CIB3: variants seen among roughly 807,000 people sequenced by gnomAD.
The protein encoded by CIB3 is calcium and integrin binding family member 3, also known as calcium and integrin-binding family member 3.
In CIB3, 22 loss-of-function variants were observed where a neutral mutation model predicts 23.4. That is an observed-to-expected ratio of 0.94 (90% CI 0.67 to 1.34). The LOEUF is 1.34. Ranked by LOEUF, CIB3 falls within the 40% of genes most tolerant of loss-of-function variation. The pLI is 0.00. For missense variants in CIB3, 258 were observed against 247.3 expected (o/e 1.04, Z -0.29); for synonymous variants, 93 against 95.8 (o/e 0.97, Z 0.17).
chr19:16,168,761 AT>A (rs965260604), intron 3 of CIB3, among the ~76,000 whole-genome samples: 7 of 151,994 alleles, frequency 4.6e-5, no homozygotes, highest in Non-Finnish European at 1.0e-4. Context: ...GAGCCGAGAT[AT>A]GGGGGGAGAT....
In CIB3 at chr19:16,161,541, C is replaced by T; in HGVS notation, c.543-55G>A. ...CTTCAAGGAGTGGACAACCCCTTTT[C>T]CTCCTCCCCCTCAACACGCTCACGG... On this transcript the variant is annotated intron_variant, in intron 5 of 5. Coordinates refer to ENST00000269878, the MANE Select transcript of CIB3 (RefSeq NM_054113.4). The T allele has an allele frequency of 1.9e-6, 3 of 1,591,628 alleles. No homozygotes were observed. The South Asian group carries it at 3.3e-5, about 18-fold the overall frequency.
At chr19:16,171,732 G>A (rs1019433318) in intron 2 of CIB3, among the ~76,000 whole-genome samples, 3 of 152,206 alleles carry the variant, frequency 2.0e-5, no homozygotes, top group South Asian at 2.1e-4. Context: ...GATCAGCCCC[G>A]CCCTGTCTGA....
chr19:16,163,627 CAAAAAAT>C (rs2091294114), intron 5 of CIB3, among the ~76,000 whole-genome samples: 1 of 151,872 alleles, frequency 6.6e-6, no homozygotes, highest in South Asian at 2.1e-4. Flanking sequence ...TTTGTCAATT[CAAAAAAT>C]AAAAAATAAA....
chr19:16,161,450 T>A lies in CIB3; in HGVS notation c.*15A>T. 1 of 1,613,870 alleles carries A rather than the reference T, an allele frequency of 6.2e-7. No individual in the cohort carries two copies. Among genetic ancestry groups the A allele is most frequent in the South Asian group, 1.1e-5 (1 of 91,074 alleles). On this transcript the variant is annotated 3_prime_UTR_variant, in exon 6 of 6. Coordinates refer to ENST00000269878, the MANE Select transcript of CIB3 (RefSeq NM_054113.4). ...TCACCCCGCCCTCCTATAGCTCGGC[T>A]CCTCTGTGGTGCCATCAGATTCGGA...
At chr19:16,173,305 A>C in intron 1 of CIB3, 109 bp from the exon 2 acceptor site, 2 of 1,579,680 alleles carry the variant, frequency 1.3e-6, no homozygotes, top group Non-Finnish European at 1.7e-6. Flanking sequence ...TGCCACACAC[A>C]GAGCAGAACC....
intron 2 of CIB3, among the ~76,000 whole-genome samples, chr19:16,171,386 C>CAGCA (rs1347925918): frequency 1.3e-5 from 2 of 152,116 alleles, no homozygotes; most frequent in Non-Finnish European, 2.9e-5. Context: ...GCATGCTGAG[C>CAGCA]AGCAGCCTTG....
At chr19:16,171,366 C>T (rs561094574) in intron 2 of CIB3, among the ~76,000 whole-genome samples, 3 of 152,070 alleles carry the variant, frequency 2.0e-5, no homozygotes, top group Non-Finnish European at 4.4e-5. Flanking sequence ...GACACCATAC[C>T]TTCATTAGGG....
intron 2 of CIB3, among the ~76,000 whole-genome samples, chr19:16,172,742 G>T (rs2091333742): frequency 6.6e-6 from 1 of 151,922 alleles, no homozygotes; most frequent in African/African-American, 2.4e-5. Flanking sequence ...TTGAGCCCAA[G>T]GGTTTAAGAC....
At chr19:16,168,584 C>G (rs754127828) in intron 3 of CIB3, among the ~76,000 whole-genome samples, 5 of 152,180 alleles carry the variant, frequency 3.3e-5, no homozygotes, top group Non-Finnish European at 7.3e-5. Flanking sequence ...GTGACTCAAG[C>G]TAGCCAATCA....
chr19:16,164,117 T>A (rs950253721), intron 5 of CIB3, among the ~76,000 whole-genome samples: 1 of 152,086 alleles, frequency 6.6e-6, no homozygotes, highest in African/African-American at 2.4e-5. Context: ...ACTACAGGCA[T>A]GCACCACCAT....
chr19:16,171,139 A>G (rs1370508004), intron 2 of CIB3, among the ~76,000 whole-genome samples: 2 of 152,066 alleles, frequency 1.3e-5, no homozygotes, highest in Admixed American at 6.5e-5. Flanking sequence ...CTCGGTCTCA[A>G]TAAAAAAAAT....
intron 4 of CIB3, 129 bp downstream of exon 4, chr19:16,168,008 G>C (rs1408568076): frequency 8.6e-7 from 1 of 1,163,694 alleles, no homozygotes; most frequent in East Asian, 2.6e-5. Context: ...GCATTGGAGT[G>C]GGGTGGAGGA....
chr19:16,168,147 A>C lies in CIB3; in HGVS notation c.336T>G (p.Phe112Leu). Reference protein sequence around the residue: ...APRDLKAYYAFKIYDFNNDDY... With the variant: ...APRDLKAYYALKIYDFNNDDY... Reference sequence around the variant, plus strand: ...GGGCCACGCACGCACCATAAATTTTAAAAGCATAGTAAGCCTTGAGGTCGC... The same window carrying C: ...GGGCCACGCACGCACCATAAATTTTCAAAGCATAGTAAGCCTTGAGGTCGC... Residue 112 changes from phenylalanine to leucine, a missense_variant, in exon 4 of 6, where the codon TTT (phenylalanine) becomes TTG (leucine). Physicochemically the swap from Phe to Leu is conservative, Grantham distance 22 (BLOSUM62 0). Coordinates refer to ENST00000269878, the MANE Select transcript of CIB3 (RefSeq NM_054113.4). The C allele has an allele frequency of 6.3e-7, 1 of 1,593,474 alleles. No homozygotes were observed. The highest frequency in any genetic ancestry group is 8.6e-7 in the Non-Finnish European group (1 of 1,168,644).
chr19:16,170,289 A>C (rs1188646956), intron 2 of CIB3, among the ~76,000 whole-genome samples: 1 of 151,940 alleles, frequency 6.6e-6, no homozygotes, highest in Non-Finnish European at 1.5e-5. Flanking sequence ...GGGGGAAGCA[A>C]GCTAGCGAGG....
chr19:16,164,622 AAT>A, intron 5 of CIB3, 94 bp downstream of exon 5: 1 of 1,152,072 alleles, frequency 8.7e-7, no homozygotes, highest in Non-Finnish European at 1.3e-6. Flanking sequence ...TGAAAGAATG[AAT>A]AGAGGAATTT....
At chr19:16,172,805 A>T (rs745528152) in intron 2 of CIB3, among the ~76,000 whole-genome samples, 1 of 151,764 alleles carries the variant, frequency 6.6e-6, no homozygotes, top group East Asian at 2.0e-4. Context: ...TACAAAAATG[A>T]GGTACATGTG....
intron 2 of CIB3, 123 bp downstream of exon 2, chr19:16,173,039 C>G (rs943476527): frequency 8.9e-7 from 1 of 1,129,460 alleles, no homozygotes; most frequent in African/African-American, 1.9e-5. Context: ...AGAAAGACTA[C>G]TTACACACAC....
chr19:16,173,051 C>T, intron 2 of CIB3, 111 bp downstream of exon 2: 2 of 1,041,366 alleles, frequency 1.9e-6, no homozygotes, highest in East Asian at 2.4e-5. Context: ...TACACACACA[C>T]ACACACACAC....
In CIB3 at chr19:16,162,573, G is replaced by A. The variant is rs1030398059; in HGVS notation, c.543-1087C>T. 5.3e-5 allele frequency among the ~76,000 whole-genome samples: 8 copies of A among 152,108 alleles called. No individual in the cohort carries two copies. The East Asian group carries it at 5.8e-4, about 11-fold the overall frequency. On this transcript the variant is annotated intron_variant, in intron 5 of 5. Transcript: ENST00000269878. ...TCAAGACCAGCCTGGCCAACATGGCGAAACCTTATCTCTACTAAAAAAATA... is the reference window on the plus strand; with the variant it reads ...TCAAGACCAGCCTGGCCAACATGGCAAAACCTTATCTCTACTAAAAAAATA...
Sources: gnomAD v4.1 joint callset for allele counts (sites outside exome capture counted in the v4.1 genomes callset) on GRCh38, gnomAD v4.1.1 for gene constraint, MANE v1.5 for transcripts, NCBI Gene and HGNC (gene_info 2026-07-23, HGNC 2026-07-21) for gene names.